The following ANO4 variants were observed in gnomAD, a reference collection of about 807,000 sequenced individuals.
ANO4 encodes anoctamin 4.
Under a neutral mutation model 141.9 loss-of-function variants are expected in ANO4, and 69 were observed. That is an observed-to-expected ratio of 0.49 (90% CI 0.40 to 0.59). The LOEUF is 0.59. Ranked by LOEUF, ANO4 falls within the 20% of genes least tolerant of loss-of-function variation. The pLI, the probability that ANO4 is intolerant of heterozygous loss-of-function variation, is 0.00. For missense variants in ANO4, 894 were observed against 1,162.2 expected (o/e 0.77, Z 3.36); for synonymous variants, 350 against 394.3 (o/e 0.89, Z 1.33).
intron 1 of ANO4, among the ~76,000 whole-genome samples, chr12:100,848,828 C>T (rs2037717857): frequency 6.6e-6 from 1 of 152,204 alleles, no homozygotes; most frequent in Admixed American, 6.5e-5. Flanking sequence ...CTCTCACCTA[C>T]TCTGATAGAG....
chr12:100,871,333 T>C (rs2039023306), intron 1 of ANO4, among the ~76,000 whole-genome samples: 1 of 152,206 alleles, frequency 6.6e-6, no homozygotes, highest in Non-Finnish European at 1.5e-5. Context: ...TGAGATATTG[T>C]TTGGTAAGAA....
chr12:100,955,508 C>T (rs1452565388), intron 5 of ANO4, among the ~76,000 whole-genome samples: 1 of 152,160 alleles, frequency 6.6e-6, no homozygotes, highest in African/African-American at 2.4e-5. Flanking sequence ...TGCTGTACTC[C>T]ACTGGGAAAG....
chr12:100,787,182 C>A (rs2033900257), intron 3 of ANO4, among the ~76,000 whole-genome samples: 1 of 151,984 alleles, frequency 6.6e-6, no homozygotes, highest in Non-Finnish European at 1.5e-5. Flanking sequence ...GTGATCGGTG[C>A]CAAAACTTGG....
intron 5 of ANO4, among the ~76,000 whole-genome samples, chr12:100,948,925 C>T (rs778351152): frequency 2.0e-5 from 3 of 152,176 alleles, no homozygotes; most frequent in African/African-American, 4.8e-5. Flanking sequence ...AGCAGACTGG[C>T]GTCAGAGAGA....
At chr12:100,823,416 T>C (rs1375143377) in intron 1 of ANO4, among the ~76,000 whole-genome samples, 1 of 152,040 alleles carries the variant, frequency 6.6e-6, no homozygotes, top group East Asian at 1.9e-4. Flanking sequence ...CCACCCCTTT[T>C]TGTCATTTAA....
chr12:100,873,913 G>C (rs1420623506), intron 1 of ANO4, among the ~76,000 whole-genome samples: 1 of 152,216 alleles, frequency 6.6e-6, no homozygotes, highest in African/African-American at 2.4e-5. Flanking sequence ...ACTGGGCCCA[G>C]GGCCCCGCTG....
chr12:100,838,626 A>G (rs978393656), intron 1 of ANO4, among the ~76,000 whole-genome samples: 1 of 152,190 alleles, frequency 6.6e-6, no homozygotes, highest in Non-Finnish European at 1.5e-5. Context: ...CCCAAGCATC[A>G]GGTCAGATGT....
intron 5 of ANO4, among the ~76,000 whole-genome samples, chr12:100,965,999 G>C (rs941399878): frequency 6.6e-6 from 1 of 152,024 alleles, no homozygotes; most frequent in Admixed American, 6.6e-5. Flanking sequence ...GGGTGTTATT[G>C]AATGAATGTC....
intron 8 of ANO4, 77 bp downstream of exon 8, chr12:100,987,747 T>C: frequency 1.3e-6 from 2 of 1,562,160 alleles, no homozygotes; most frequent in Non-Finnish European, 1.7e-6. Context: ...ACGCCTTTGA[T>C]TCCTGGGCAT....
intron 12 of ANO4, 93 bp from the exon 13 acceptor site, chr12:101,043,446 A>C (rs1362681203): frequency 3.5e-6 from 3 of 867,796 alleles, no homozygotes; most frequent in Non-Finnish European, 1.9e-6. Context: ...CATTTAACCT[A>C]CTGGATCTTA....
intron 1 of ANO4, among the ~76,000 whole-genome samples, chr12:100,896,331 G>A (rs983386289): frequency 3.9e-5 from 6 of 152,124 alleles, no homozygotes; most frequent in Non-Finnish European, 8.8e-5. Context: ...ACACTGAGAA[G>A]GTGATATAAT....
chr12:101,093,451 T>G (rs1008617746), intron 17 of ANO4, among the ~76,000 whole-genome samples: 1 of 152,176 alleles, frequency 6.6e-6, no homozygotes, highest in Non-Finnish European at 1.5e-5. Context: ...ACTACTTTCA[T>G]CTAAATGTGT....
intron 14 of ANO4, among the ~76,000 whole-genome samples, chr12:101,054,637 T>C (rs547320459): frequency 7.6e-4 from 115 of 152,284 alleles, no homozygotes; most frequent in African/African-American, 1.9e-3. Flanking sequence ...GTAGCTGGGA[T>C]TACAGGCGCC....
intron 3 of ANO4, among the ~76,000 whole-genome samples, chr12:100,762,314 G>T (rs1035769304): frequency 6.6e-6 from 1 of 152,070 alleles, no homozygotes. Flanking sequence ...AATGTGGCCC[G>T]AATTGGATAA....
intron 1 of ANO4, among the ~76,000 whole-genome samples, chr12:100,803,834 T>C (rs1565888458): frequency 6.6e-6 from 1 of 152,216 alleles, no homozygotes; most frequent in African/African-American, 2.4e-5. Flanking sequence ...TGCAAGATGA[T>C]TGCATTATCT....
intron 1 of ANO4, among the ~76,000 whole-genome samples, chr12:100,840,829 C>CATCT (rs2037202375): frequency 6.6e-6 from 1 of 152,104 alleles, no homozygotes; most frequent in South Asian, 2.1e-4. Flanking sequence ...TGGCCAAAGG[C>CATCT]ATCTATTAGG....
chr12:100,750,832 G>A (rs537727059), intron 3 of ANO4, among the ~76,000 whole-genome samples: 2 of 152,260 alleles, frequency 1.3e-5, no homozygotes, highest in South Asian at 4.1e-4. Flanking sequence ...TGACTCAAGA[G>A]GGAGCTTAGC....
chr12:100,924,970 T>G (rs143142222), intron 3 of ANO4, among the ~76,000 whole-genome samples: 340 of 152,134 alleles, frequency 2.2e-3, no homozygotes, highest in Non-Finnish European at 3.9e-3. Flanking sequence ...GGTAGAGGAG[T>G]ATAAATTTAT....
chr12:101,095,381 A>G (rs751749380), intron 18 of ANO4, among the ~76,000 whole-genome samples: 13 of 152,098 alleles, frequency 8.5e-5, no homozygotes, highest in Non-Finnish European at 1.8e-4. Context: ...CAGAAATGCC[A>G]TTGGAGGTAC....
Sources: allele counts gnomAD v4.1 joint callset (sites outside exome capture counted in the v4.1 genomes callset), GRCh38; gene constraint gnomAD v4.1.1; transcripts MANE v1.5; gene names NCBI Gene and HGNC (gene_info 2026-07-23, HGNC 2026-07-21).